Variants in GPCPD1 observed in about 807,000 individuals in gnomAD.
GPCPD1 encodes the protein glycerophosphocholine phosphodiesterase 1.
In GPCPD1, 29 loss-of-function variants were observed where a neutral mutation model predicts 89.2. The ratio of observed to expected loss-of-function variants is 0.33; its 90% CI spans 0.24 to 0.44. GPCPD1 has a LOEUF of 0.44. Among genes scored for constraint, GPCPD1 ranks in the 20% least tolerant of loss-of-function variants. GPCPD1 has a pLI of 1.00. For missense variants in GPCPD1, 594 were observed against 808.9 expected (o/e 0.73, Z 3.22); for synonymous variants, 258 against 266.3 (o/e 0.97, Z 0.30).
chr20:5,549,232 T>C, intron 19 of GPCPD1: 1 of 749,244 alleles, frequency 1.3e-6, no homozygotes, highest in South Asian at 1.4e-5. Context: ...GAGACTCTAC[T>C]GTGTCTTATT....
In GPCPD1 at chr20:5,593,357, G is replaced by A; in HGVS notation, c.201C>T (p.Arg67=). The A allele has an allele frequency of 6.3e-7, 1 of 1,588,898 alleles. No individual in the cohort carries two copies. The highest frequency in any genetic ancestry group is 8.6e-7 in the Non-Finnish European group (1 of 1,157,412). The change falls in exon 4 of 20, where the codon CGC becomes CGT. Residue 67 remains arginine, a synonymous_variant. Coordinates refer to ENST00000379019, the MANE Select transcript of GPCPD1 (RefSeq NM_019593.5). ...VLSRGVSVQY[R]YFKGYFLEPK... ...GTTCTAAAAAGTACCCTTTGAAGTA[G>A]CGATACTGAACTGATACTCCTCTAC...
At chr20:5,550,283 C>CAAAAAAAAAAAA (rs11476159) in intron 19 of GPCPD1, among the ~76,000 whole-genome samples, 5 of 75,950 alleles carry the variant, frequency 6.6e-5, no homozygotes, top group Admixed American at 1.4e-4. Context: ...TCAAATGAAG[C>CAAAAAAAAAAAA]AAAAAAAAAA....
rs749827190 is a variant in GPCPD1 at position 5,570,243 on chromosome 20, A to C, written c.1057-4T>G. 3 of 1,487,230 alleles carry C rather than the reference A, an allele frequency of 2.0e-6. No homozygotes were observed. The African/African-American group carries it at 4.2e-5, about 21-fold the overall frequency. 92.1% of individuals were successfully genotyped at this position (1,487,230 alleles called of 1,614,324 possible). On this transcript the variant is annotated splice_polypyrimidine_tract_variant and splice_region_variant and intron_variant, in intron 11 of 19. Transcript: ENST00000379019. ...CAAATTCTACAAAGGCTGCACCCTG[A>C]CAGAAGGAAGCAAGTATTTGAAAAA... is the stretch of plus-strand genomic sequence containing the variant.
intron 14 of GPCPD1, among the ~76,000 whole-genome samples, chr20:5,565,721 T>A (rs1300103115): frequency 6.6e-6 from 1 of 152,210 alleles, no homozygotes; most frequent in African/African-American, 2.4e-5. Flanking sequence ...GTGATTTTGC[T>A]ATTTCTCCAG....
chr20:5,595,788 T>A (rs528253007), intron 3 of GPCPD1, among the ~76,000 whole-genome samples: 4 of 140,880 alleles, frequency 2.8e-5, no homozygotes, highest in Non-Finnish European at 6.2e-5. Context: ...CCATTTCTGC[T>A]ACCCCAAAAA....
At chr20:5,604,484 C>T in intron 1 of GPCPD1, 44 bp from the exon 2 acceptor site, 8 of 829,014 alleles carry the variant, frequency 9.7e-6, no homozygotes, top group Non-Finnish European at 1.6e-5. Context: ...AAAATATATG[C>T]CTTAGCTAGC....
rs1200569202 is a variant in GPCPD1, at chr20:5,604,356, T to C, written c.49+8A>G. The stretch of plus-strand genomic sequence containing the variant: ...TTTAATTGTTTTAAAGTAAAACTTT[T>C]ACAATACCTGGTAAAAGAGTTCCTC... On this transcript the variant is annotated splice_region_variant and intron_variant, in intron 2 of 19. Coordinates refer to ENST00000379019, the MANE Select transcript of GPCPD1 (RefSeq NM_019593.5). 1 of 1,371,720 alleles carries C rather than the reference T, an allele frequency of 7.3e-7. No homozygotes were observed. Among genetic ancestry groups the C allele is most frequent in the African/African-American group, 1.4e-5 (1 of 69,622 alleles). 85.0% of individuals were successfully genotyped at this position (1,371,720 alleles called of 1,614,324 possible).
At position 5,547,684 on chromosome 20, in the gene GPCPD1, T is replaced by C; in HGVS notation, c.1996A>G (p.Ile666Val). The C allele has an allele frequency of 6.2e-7, 1 of 1,605,634 alleles. No homozygotes were observed. The highest frequency in any genetic ancestry group is 8.5e-7 in the Non-Finnish European group (1 of 1,173,338). ...AACTAAGCATTCTCCACGTTATCAA[T>C]GCCGTTGGCATCCACATGGATATCA... ...ESDIHVDANG[I>V]DNVENA Residue 666 changes from isoleucine (I) to valine (V), a missense_variant, in exon 20 of 20, where the codon ATT (isoleucine) becomes GTT (valine). Ile to Val is a conservative substitution (Grantham distance 29, BLOSUM62 3). Coordinates refer to ENST00000379019, the MANE Select transcript of GPCPD1 (RefSeq NM_019593.5).
At chr20:5,584,444 C>CT (rs1978772381) in intron 5 of GPCPD1, 122 bp from the exon 6 acceptor site, 1 of 528,038 alleles carries the variant, frequency 1.9e-6, no homozygotes, top group Admixed American at 3.6e-5. Flanking sequence ...AAAAGCAGCC[C>CT]AAGGTGAATA....
At chr20:5,565,339 C>A (rs916876545) in intron 14 of GPCPD1, among the ~76,000 whole-genome samples, 2 of 151,758 alleles carry the variant, frequency 1.3e-5, no homozygotes, top group Non-Finnish European at 2.9e-5. Flanking sequence ...AGCATTGATC[C>A]TCCAGCCTCA....
At position 5,598,739 on chromosome 20, in the gene GPCPD1, A is replaced by G; in HGVS notation, c.132T>C (p.Asn44=). ...TCCATACTCACCTTTCACCTGTGTC[A>G]TTCTCTGGAAGAAGAGCCACAGCAT... ...PQNAVALLPE[N]DTGESMLWKA... Residue 44 remains asparagine (N), a synonymous_variant, in exon 3 of 20, where the codon AAT becomes AAC. Coordinates refer to ENST00000379019, the MANE Select transcript of GPCPD1 (RefSeq NM_019593.5). 1.9e-6 allele frequency: 3 copies of G among 1,602,934 alleles called. No individual in the cohort carries two copies. The highest frequency in any genetic ancestry group is 2.6e-6 in the Non-Finnish European group (3 of 1,169,682).
chr20:5,599,842 C>G (rs562769882), intron 2 of GPCPD1, among the ~76,000 whole-genome samples: 2 of 152,128 alleles, frequency 1.3e-5, no homozygotes. Flanking sequence ...CATGAGCCGC[C>G]GCGCCCAGCC....
At chr20:5,585,339 C>T (rs1285827857) in intron 5 of GPCPD1, 1 of 151,942 alleles carries the variant, frequency 6.6e-6, no homozygotes. Flanking sequence ...TGTCCTTACT[C>T]CAGGATAAAG....
chr20:5,552,098 T>C (rs1985447551), intron 19 of GPCPD1, among the ~76,000 whole-genome samples: 1 of 152,194 alleles, frequency 6.6e-6, no homozygotes, highest in Non-Finnish European at 1.5e-5. Context: ...AAGAAATTAT[T>C]GGTATTTTAT....
chr20:5,609,312 A>C (rs1233904452), intron 1 of GPCPD1, among the ~76,000 whole-genome samples: 1 of 152,194 alleles, frequency 6.6e-6, no homozygotes, highest in Non-Finnish European at 1.5e-5. Context: ...CATCTTGGTG[A>C]AGGATCATTA....
intron 8 of GPCPD1, among the ~76,000 whole-genome samples, 154 bp downstream of exon 8, chr20:5,578,226 C>A (rs1425544258): frequency 6.6e-6 from 1 of 152,196 alleles, no homozygotes; most frequent in African/African-American, 2.4e-5. Context: ...TTGAAGATGA[C>A]AACTCTAAGT....
intron 6 of GPCPD1, among the ~76,000 whole-genome samples, chr20:5,580,840 T>C (rs187722823): frequency 2.2e-4 from 34 of 151,718 alleles, no homozygotes; most frequent in African/African-American, 7.7e-4. Context: ...GTTCTATCAA[T>C]ATCATCTTTG....
At position 5,547,291 on chromosome 20, in the gene GPCPD1, G is replaced by A. The variant is rs1182814256; in HGVS notation, c.*370C>T. On this transcript the variant is annotated 3_prime_UTR_variant, in exon 20 of 20. Transcript: ENST00000379019. ...TTATGCATAGTCATTTTCCTTAAGT[G>A]CTAAAGATTTCAGACCTGATCAAAT... is the stretch of plus-strand genomic sequence containing the variant. 6.5e-6 allele frequency: 1 copy of A among 153,326 alleles called. No homozygotes were observed. The highest frequency in any genetic ancestry group is 2.4e-5 in the African/African-American group (1 of 41,458). 9.5% of individuals were successfully genotyped at this position (153,326 alleles called of 1,614,324 possible).
intron 3 of GPCPD1, 25 bp from the exon 4 acceptor site, chr20:5,593,436 A>G (rs1018236454): frequency 1.3e-5 from 16 of 1,266,566 alleles, no homozygotes; most frequent in Non-Finnish European, 1.8e-5. Flanking sequence ...AATTAAAAGC[A>G]GCAGCATCAA....
Sources: allele counts gnomAD v4.1 joint callset (sites outside exome capture counted in the v4.1 genomes callset), GRCh38; gene constraint gnomAD v4.1.1; transcripts MANE v1.5; gene names NCBI Gene and HGNC (gene_info 2026-07-23, HGNC 2026-07-21).